Variants in TIAM1 observed in about 807,000 individuals in gnomAD.
TIAM1 encodes rho guanine nucleotide exchange factor TIAM1.
Under a neutral mutation model 163.5 loss-of-function variants are expected in TIAM1, and 65 were observed. The observed-to-expected ratio is 0.40, with a 90% confidence interval of 0.33 to 0.49. The LOEUF (loss-of-function observed/expected upper bound fraction) is 0.49. TIAM1 is among the 20% of genes least tolerant of loss of function. The pLI is 0.77. For synonymous variants in TIAM1, 833 were observed against 810.1 expected, an observed-to-expected ratio of 1.03 and a Z score of -0.48; for missense variants, 1,789 against 2,044.7, an observed-to-expected ratio of 0.87 and a Z score of 2.41.
intron 5 of TIAM1, among the ~76,000 whole-genome samples, chr21:31,249,717 C>T (rs1569104170): frequency 6.6e-6 from 1 of 152,096 alleles, no homozygotes; most frequent in African/African-American, 2.4e-5. Context: ...GTGATCCAGG[C>T]CCCTCAGACA....
chr21:31,223,882 A>G (rs1258483848), intron 7 of TIAM1, among the ~76,000 whole-genome samples: 1 of 152,096 alleles, frequency 6.6e-6, no homozygotes, highest in Non-Finnish European at 1.5e-5. Flanking sequence ...CAAACTCTAG[A>G]CTCCAGAAGT....
intron 2 of TIAM1, among the ~76,000 whole-genome samples, chr21:31,296,935 T>C (rs770870978): frequency 6.6e-6 from 1 of 152,160 alleles, no homozygotes; most frequent in Non-Finnish European, 1.5e-5. Flanking sequence ...AATGCTGGGA[T>C]TACGGGCATG....
chr21:31,173,501 A>G (rs1275290691), intron 15 of TIAM1, among the ~76,000 whole-genome samples: 1 of 151,416 alleles, frequency 6.6e-6, no homozygotes, highest in Non-Finnish European at 1.5e-5. Context: ...AAGCTAAAAA[A>G]CAAAGCAAGA....
At chr21:31,121,299 G>A (rs980223586) in intron 27 of TIAM1, among the ~76,000 whole-genome samples, 3 of 152,162 alleles carry the variant, frequency 2.0e-5, no homozygotes, top group Non-Finnish European at 2.9e-5. Context: ...TCCCAGGGTT[G>A]TTTAGCTGGA....
At chr21:31,529,050 T>C (rs1162501023) in intron 1 of TIAM1, among the ~76,000 whole-genome samples, 1 of 149,822 alleles carries the variant, frequency 6.7e-6, no homozygotes, top group African/African-American at 2.5e-5. Context: ...GCCTCCCGAG[T>C]AGCCGGGACT....
At chr21:31,358,503 C>T (rs2076352450) in intron 2 of TIAM1, among the ~76,000 whole-genome samples, 1 of 152,144 alleles carries the variant, frequency 6.6e-6, no homozygotes, top group Non-Finnish European at 1.5e-5. Context: ...TGCACGTACA[C>T]CCTCTGGGTA....
At chr21:31,313,604 T>C (rs148613279) in intron 2 of TIAM1, among the ~76,000 whole-genome samples, 2 of 152,334 alleles carry the variant, frequency 1.3e-5, no homozygotes, top group African/African-American at 4.8e-5. Flanking sequence ...TGAGACAGTC[T>C]TGCTCTGTTG....
At chr21:31,232,019 A>AG (rs1256225317) in intron 6 of TIAM1, among the ~76,000 whole-genome samples, 3 of 152,108 alleles carry the variant, frequency 2.0e-5, no homozygotes, top group African/African-American at 7.3e-5. Context: ...CTCACAAAAA[A>AG]AAAAAGTTCT....
intron 1 of TIAM1, among the ~76,000 whole-genome samples, chr21:31,340,466 T>A (rs536344731): frequency 6.6e-6 from 1 of 152,226 alleles, no homozygotes; most frequent in East Asian, 1.9e-4. Context: ...TACTCCAAGG[T>A]CTGTGGCACG....
intron 2 of TIAM1, among the ~76,000 whole-genome samples, chr21:31,362,329 T>C (rs763594856): frequency 6.6e-6 from 1 of 151,894 alleles, no homozygotes; most frequent in South Asian, 2.1e-4. Flanking sequence ...AGAAAGTAAG[T>C]GAGAAGGGAA....
intron 2 of TIAM1, among the ~76,000 whole-genome samples, chr21:31,354,843 AACG>A (rs1217563289): frequency 6.6e-6 from 1 of 152,136 alleles, no homozygotes; most frequent in Non-Finnish European, 1.5e-5. Context: ...ATGGGACCAC[AACG>A]CTGACAACCT....
intron 2 of TIAM1, among the ~76,000 whole-genome samples, chr21:31,305,089 GACA>G (rs980326940): frequency 2.6e-5 from 4 of 152,064 alleles, no homozygotes; most frequent in Non-Finnish European, 4.4e-5. Context: ...GAGACAGACA[GACA>G]ACATTTATAA....
At chr21:31,476,143 G>A (rs79352739) in intron 1 of TIAM1, among the ~76,000 whole-genome samples, 1 of 152,192 alleles carries the variant, frequency 6.6e-6, no homozygotes, top group Non-Finnish European at 1.5e-5. Context: ...GGTTGGCAGG[G>A]CGATTTATTT....
intron 5 of TIAM1, among the ~76,000 whole-genome samples, chr21:31,251,130 A>T (rs1481031943): frequency 6.6e-6 from 1 of 152,216 alleles, no homozygotes; most frequent in African/African-American, 2.4e-5. Context: ...ACTTTGAAAG[A>T]CAAAAAGCTG....
At chr21:31,135,827 C>T (rs1205181477) in intron 23 of TIAM1, 106 bp downstream of exon 23, 2 of 1,018,596 alleles carry the variant, frequency 2.0e-6, no homozygotes, top group Admixed American at 1.9e-5. Flanking sequence ...CAAGTAACTG[C>T]AATTAACTTT....
rs149361660 is a variant in TIAM1, at chr21:31,478,647, A to G, written c.-421-14612T>C. Among the ~76,000 whole-genome samples, 602 of 152,346 alleles carry G rather than the reference A, an allele frequency of 4.0e-3. 5 individuals are homozygous for G. Among genetic ancestry groups the G allele is most frequent in the African/African-American group, 0.014 (563 of 41,570 alleles). On this transcript the variant is annotated intron_variant, in intron 1 of 28. Transcript: ENST00000286827. ...TTTTTTTGTCTTTTTTGTTCAAAAT[A>G]AAGCTTCTAAGTTGGTAAGAATCAT...
At chr21:31,459,371 T>A (rs1304096442) in intron 2 of TIAM1, among the ~76,000 whole-genome samples, 1 of 152,162 alleles carries the variant, frequency 6.6e-6, no homozygotes, top group Non-Finnish European at 1.5e-5. Context: ...CTCTAGCTAT[T>A]CTGTGGAGAA....
At chr21:31,490,720 T>C (rs1048905073) in intron 1 of TIAM1, among the ~76,000 whole-genome samples, 1 of 152,250 alleles carries the variant, frequency 6.6e-6, no homozygotes, top group Admixed American at 6.5e-5. Context: ...AAGGATTCTT[T>C]GCAGATGAAA....
intron 1 of TIAM1, among the ~76,000 whole-genome samples, chr21:31,342,646 G>T (rs1184057075): frequency 6.6e-6 from 1 of 152,160 alleles, no homozygotes; most frequent in Admixed American, 6.5e-5. Context: ...GGTTCCTTGT[G>T]GGGTGGAGGG....
Sources: gnomAD v4.1 joint callset for allele counts (sites outside exome capture counted in the v4.1 genomes callset) on GRCh38, gnomAD v4.1.1 for gene constraint, MANE v1.5 for transcripts, NCBI Gene and HGNC (gene_info 2026-07-23, HGNC 2026-07-21) for gene names.